SPON1: variants seen among roughly 807,000 people sequenced by gnomAD.
The protein encoded by SPON1 is spondin 1, also known as spondin-1.
Under a neutral mutation model 111.7 loss-of-function variants are expected in SPON1, and 52 were observed. The observed-to-expected ratio is 0.47, with a 90% CI of 0.37 to 0.59. The LOEUF is 0.59. Among genes scored for constraint, SPON1 ranks in the 20% least tolerant of loss-of-function variants. The pLI is 0.00. For synonymous variants in SPON1, 410 were observed against 395.8 expected (o/e 1.04, Z -0.43); for missense variants, 957 against 1,068.5 (o/e 0.90, Z 1.46).
intron 2 of SPON1, among the ~76,000 whole-genome samples, chr11:14,025,019 A>G (rs142249274): frequency 6.6e-6 from 1 of 152,246 alleles, no homozygotes. Flanking sequence ...AGCCACAGAG[A>G]TAATGGCAGA....
chr11:14,106,278 T>G (rs781236883), intron 5 of SPON1, among the ~76,000 whole-genome samples: 1 of 152,208 alleles, frequency 6.6e-6, no homozygotes, highest in Non-Finnish European at 1.5e-5. Context: ...GACTTAACTT[T>G]TCCTTTGTAT....
intron 2 of SPON1, among the ~76,000 whole-genome samples, chr11:14,016,840 A>G (rs1047705480): frequency 1.3e-5 from 2 of 152,312 alleles, no homozygotes; most frequent in South Asian, 4.1e-4. Flanking sequence ...AATTCAGGCA[A>G]CGCTTCCTGA....
chr11:14,035,767 A>G (rs1449181961), intron 2 of SPON1, among the ~76,000 whole-genome samples: 5 of 152,022 alleles, frequency 3.3e-5, no homozygotes, highest in Non-Finnish European at 5.9e-5. Flanking sequence ...ACAAGTGTGC[A>G]CCATCACAGC....
intron 2 of SPON1, among the ~76,000 whole-genome samples, chr11:14,022,491 G>T (rs559543033): frequency 6.6e-6 from 1 of 152,288 alleles, no homozygotes; most frequent in Non-Finnish European, 1.5e-5. Flanking sequence ...CTTGAGATTT[G>T]GGATCTAAAT....
intron 7 of SPON1, among the ~76,000 whole-genome samples, chr11:14,250,160 A>G (rs1303887156): frequency 2.0e-5 from 3 of 152,180 alleles, no homozygotes; most frequent in African/African-American, 7.2e-5. Flanking sequence ...CTCAATGGAG[A>G]CATTTTTTGC....
intron 3 of SPON1, among the ~76,000 whole-genome samples, chr11:14,073,444 C>T (rs1417692218): frequency 2.0e-5 from 3 of 152,172 alleles, no homozygotes; most frequent in Non-Finnish European, 4.4e-5. Context: ...CTTGTATAAT[C>T]TGTACTACCT....
intron 2 of SPON1, among the ~76,000 whole-genome samples, chr11:14,011,977 A>G (rs1528667): frequency 0.35 from 53,508 of 152,014 alleles, 10,794 homozygotes; most frequent in East Asian, 0.7. Context: ...GCCTCCTCAA[A>G]GGAAGGGTGT....
chr11:14,071,170 C>A (rs1415340174), intron 3 of SPON1, among the ~76,000 whole-genome samples: 1 of 152,124 alleles, frequency 6.6e-6, no homozygotes, highest in Non-Finnish European at 1.5e-5. Context: ...TTATAAACCT[C>A]AGCTGAGTTT....
At chr11:14,095,512 G>A (rs1197693949) in intron 5 of SPON1, among the ~76,000 whole-genome samples, 1 of 151,974 alleles carries the variant, frequency 6.6e-6, no homozygotes, top group African/African-American at 2.4e-5. Context: ...TCCACAATCT[G>A]CCATCTGCAA....
intron 6 of SPON1, among the ~76,000 whole-genome samples, chr11:14,177,376 A>T (rs1459358468): frequency 1.3e-5 from 2 of 152,082 alleles, no homozygotes; most frequent in African/African-American, 4.8e-5. Context: ...GTAGAGGGAA[A>T]CCAGTGAGCC....
intron 2 of SPON1, among the ~76,000 whole-genome samples, chr11:13,999,445 G>A (rs1367356096): frequency 2.0e-5 from 3 of 149,098 alleles, no homozygotes; most frequent in East Asian, 1.9e-4. Context: ...TTTTGAGATG[G>A]CATCTTGCTG....
Position 14,161,586 on chromosome 11 carries a change from C to T in SPON1, c.825+26018C>T, listed in dbSNP as rs966083413. 4.0e-5 allele frequency among the ~76,000 whole-genome samples: 6 copies of T among 151,416 alleles called. No individual in the cohort carries two copies. The East Asian group carries it at 7.8e-4, about 20-fold the overall frequency. On this transcript the variant is annotated intron_variant, in intron 6 of 15. Coordinates refer to ENST00000576479, the MANE Select transcript of SPON1 (RefSeq NM_006108.4). ...CACCCACCTCGGCCTCCCAGTGTGCCGGGATTACAGGCATGAGCCACTGCA... is the reference window on the plus strand; with the variant it reads ...CACCCACCTCGGCCTCCCAGTGTGCTGGGATTACAGGCATGAGCCACTGCA...
intron 1 of SPON1, among the ~76,000 whole-genome samples, chr11:13,978,288 C>T (rs1554909218): frequency 6.6e-6 from 1 of 152,060 alleles, no homozygotes; most frequent in Admixed American, 6.5e-5. Context: ...TCACAAAGAG[C>T]ATACTGGGAT....
At chr11:14,053,049 A>G (rs1339576266) in intron 3 of SPON1, among the ~76,000 whole-genome samples, 5 of 152,212 alleles carry the variant, frequency 3.3e-5, no homozygotes, top group African/African-American at 1.2e-4. Context: ...ATCCTCTTCC[A>G]CTGATGGAGT....
intron 5 of SPON1, among the ~76,000 whole-genome samples, chr11:14,087,467 C>T (rs60313459): frequency 6.6e-6 from 1 of 152,148 alleles, no homozygotes; most frequent in Non-Finnish European, 1.5e-5. Flanking sequence ...GAGTGAGTTT[C>T]TTAATCCTGA....
chr11:14,232,518 GCT>G (rs1178761342), intron 6 of SPON1, among the ~76,000 whole-genome samples: 1 of 152,114 alleles, frequency 6.6e-6, no homozygotes, highest in African/African-American at 2.4e-5. Flanking sequence ...AGCATCTGCA[GCT>G]CTGTCCTCTG....
chr11:14,146,529 A>T (rs1009480731), intron 6 of SPON1, among the ~76,000 whole-genome samples: 7 of 152,192 alleles, frequency 4.6e-5, no homozygotes, highest in Non-Finnish European at 7.4e-5. Context: ...CCCCAAAAAA[A>T]ATACTGCATA....
intron 3 of SPON1, among the ~76,000 whole-genome samples, chr11:14,069,113 T>C (rs1554920619): frequency 6.6e-6 from 1 of 152,176 alleles, no homozygotes; most frequent in Non-Finnish European, 1.5e-5. Context: ...CTAATCCCCC[T>C]GTCTTTTGTG....
At chr11:13,972,107 T>C (rs1848067647) in intron 1 of SPON1, among the ~76,000 whole-genome samples, 1 of 152,240 alleles carries the variant, frequency 6.6e-6, no homozygotes, top group African/African-American at 2.4e-5. Flanking sequence ...TTAACCATTC[T>C]TTGTGGGTTG....
Sources: allele counts gnomAD v4.1 joint callset (sites outside exome capture counted in the v4.1 genomes callset), GRCh38; gene constraint gnomAD v4.1.1; transcripts MANE v1.5; gene names NCBI Gene and HGNC (gene_info 2026-07-23, HGNC 2026-07-21).